The following HHLA2 variants were observed in gnomAD, a reference collection of about 807,000 sequenced individuals.
The protein encoded by HHLA2 is HERV-H LTR-associating protein 2.
In HHLA2, 48 loss-of-function variants were observed where a neutral mutation model predicts 45.9. The observed-to-expected ratio is 1.05, with a 90% CI of 0.83 to 1.33. HHLA2 has a LOEUF of 1.33. Among genes scored for constraint, HHLA2 ranks in the 40% most tolerant of loss-of-function variants. The pLI is 0.00. For missense variants in HHLA2, 462 were observed against 494.3 expected (o/e 0.93, Z 0.62); for synonymous variants, 161 against 173.9 (o/e 0.93, Z 0.59).
At chr3:108,318,588 C>T (rs1363083208) in intron 2 of HHLA2, among the ~76,000 whole-genome samples, 2 of 152,082 alleles carry the variant, frequency 1.3e-5, no homozygotes, top group African/African-American at 2.4e-5. Flanking sequence ...CCTTTTCCCC[C>T]AACATCTTTT....
intron 3 of HHLA2, among the ~76,000 whole-genome samples, chr3:108,333,076 T>C (rs1436424438): frequency 6.6e-6 from 1 of 152,210 alleles, no homozygotes; most frequent in Non-Finnish European, 1.5e-5. Context: ...GAGCTCATGG[T>C]AAGTGATGGC....
intron 2 of HHLA2, among the ~76,000 whole-genome samples, chr3:108,314,941 A>G (rs1213211240): frequency 6.6e-6 from 1 of 152,166 alleles, no homozygotes; most frequent in African/African-American, 2.4e-5. Context: ...GCCACTCTGA[A>G]TTGGGATTTT....
chr3:108,306,614 A>G (rs2080934853), intron 1 of HHLA2, among the ~76,000 whole-genome samples: 1 of 152,220 alleles, frequency 6.6e-6, no homozygotes, highest in South Asian at 2.1e-4. Context: ...AAAGATTCTC[A>G]GAAAACTGTT....
At chr3:108,352,023 G>A in intron 4 of HHLA2, 146 bp downstream of exon 3, 1 of 565,608 alleles carries the variant, frequency 1.8e-6, no homozygotes. Context: ...GGAACAGGCT[G>A]GAAGTCTGCA....
chr3:108,353,574 T>G, exon 5 of HHLA2: 1 of 1,613,714 alleles, frequency 6.2e-7, no homozygotes. Flanking sequence ...AGCTATAAGG[T>G]TCACAGTTAC....
chr3:108,323,129 G>A (rs1207674808), intron 2 of HHLA2, among the ~76,000 whole-genome samples: 1 of 136,556 alleles, frequency 7.3e-6, no homozygotes, highest in African/African-American at 2.7e-5. Context: ...CCTTCCCATA[G>A]TGGGGGGGTC....
intron 8 of HHLA2, among the ~76,000 whole-genome samples, chr3:108,363,808 C>A (rs2082018021): frequency 6.6e-6 from 1 of 152,150 alleles, no homozygotes; most frequent in African/African-American, 2.4e-5. Flanking sequence ...ACACATGGCA[C>A]ACTCAAAACT....
chr3:108,360,084 G>A (rs2081961923), intron 7 of HHLA2, among the ~76,000 whole-genome samples: 1 of 137,292 alleles, frequency 7.3e-6, no homozygotes, highest in Non-Finnish European at 1.6e-5. Context: ...TTCAGTCCAA[G>A]CTGATTTCTA....
chr3:108,309,763 G>T (rs961553696), intron 1 of HHLA2, among the ~76,000 whole-genome samples: 2 of 152,004 alleles, frequency 1.3e-5, no homozygotes, highest in Non-Finnish European at 2.9e-5. Context: ...TGTCTGTCAG[G>T]GTTTTCCATT....
intron 3 of HHLA2, among the ~76,000 whole-genome samples, chr3:108,348,570 C>A (rs916630313): frequency 6.6e-6 from 1 of 151,602 alleles, no homozygotes; most frequent in Non-Finnish European, 1.5e-5. Flanking sequence ...AGCTTTTATG[C>A]CTATAGAATT....
chr3:108,341,276 G>A (rs2081567327), intron 3 of HHLA2, among the ~76,000 whole-genome samples: 1 of 152,012 alleles, frequency 6.6e-6, no homozygotes, highest in Admixed American at 6.6e-5. Flanking sequence ...TTGTATAAAA[G>A]AAAATTCCCA....
At chr3:108,363,337 G>C (rs187291346) in intron 8 of HHLA2, among the ~76,000 whole-genome samples, 7 of 152,116 alleles carry the variant, frequency 4.6e-5, no homozygotes, top group Admixed American at 4.6e-4. Flanking sequence ...GCCAGCTAAT[G>C]GTAGAGGCAG....
At chr3:108,299,634 A>G (rs1011513278) in intron 1 of HHLA2, among the ~76,000 whole-genome samples, 1 of 152,138 alleles carries the variant, frequency 6.6e-6, no homozygotes, top group African/African-American at 2.4e-5. Context: ...GGAGTTCTTG[A>G]CTTTTTCTTC....
chr3:108,329,998 G>A (rs972698961), intron 3 of HHLA2, among the ~76,000 whole-genome samples: 12 of 152,134 alleles, frequency 7.9e-5, no homozygotes, highest in African/African-American at 2.4e-4. Flanking sequence ...ATCATCTGAA[G>A]GAGCTGGAGA....
chr3:108,300,904 A>G (rs2080837463), intron 1 of HHLA2, among the ~76,000 whole-genome samples: 1 of 152,204 alleles, frequency 6.6e-6, no homozygotes, highest in African/African-American at 2.4e-5. Flanking sequence ...ATTGAGAGTA[A>G]TCAAAAATGA....
rs191840690 is a variant in HHLA2 at position 108,356,746 on chromosome 3, A to G, written c.686-1098A>G. The stretch of plus-strand genomic sequence containing the variant: ...GCTCACAGACTGTGAACTTAAGAAC[A>G]TGGTCTCTACTGATTTCTGGATCCA... On this transcript the variant is annotated intron_variant, in intron 6 of 10. Coordinates refer to ENST00000619531, the Ensembl canonical transcript of HHLA2. 1.6e-3 allele frequency among the ~76,000 whole-genome samples: 239 copies of G among 152,324 alleles called. 1 individual carries two copies. Among genetic ancestry groups the G allele is most frequent in the Non-Finnish European group, 2.1e-3 (140 of 68,032 alleles).
intron 1 of HHLA2, among the ~76,000 whole-genome samples, chr3:108,299,515 A>G (rs2080816793): frequency 1.3e-5 from 2 of 152,054 alleles, no homozygotes; most frequent in Non-Finnish European, 2.9e-5. Context: ...ATTCCGTCAG[A>G]GTAGTATGTT....
intron 3 of HHLA2, among the ~76,000 whole-genome samples, chr3:108,340,537 G>A (rs73205908): frequency 0.04 from 6,127 of 152,244 alleles, 175 homozygotes; most frequent in Non-Finnish European, 0.053. Context: ...GTATATCTGG[G>A]CAGCTTGATT....
chr3:108,347,577 T>C (rs1010903089), intron 3 of HHLA2, among the ~76,000 whole-genome samples: 3 of 152,186 alleles, frequency 2.0e-5, no homozygotes, highest in Non-Finnish European at 4.4e-5. Context: ...GAGAATATTA[T>C]AGAATGACTT....
Sources: gnomAD v4.1 joint callset for allele counts (sites outside exome capture counted in the v4.1 genomes callset) on GRCh38, gnomAD v4.1.1 for gene constraint, MANE v1.5 for transcripts, NCBI Gene and HGNC (gene_info 2026-07-23, HGNC 2026-07-21) for gene names.